Variants in ELP3 observed in about 807,000 individuals in gnomAD.
ELP3 encodes the protein elongator complex protein 3.
In ELP3, 56 loss-of-function variants were observed where a neutral mutation model predicts 74.9. That is an observed-to-expected ratio of 0.75 (90% confidence interval 0.60 to 0.93). The LOEUF (loss-of-function observed/expected upper bound fraction) is 0.93. Ranked by LOEUF, ELP3 falls within the 40% of genes least tolerant of loss-of-function variation. The pLI is 0.00. For synonymous variants in ELP3, 222 were observed against 239.8 expected, an observed-to-expected ratio of 0.93 and a Z score of 0.68; for missense variants, 573 against 686.5, an observed-to-expected ratio of 0.83 and a Z score of 1.85.
chr8:28,173,512 A>AT (rs1321006880), intron 14 of ELP3, among the ~76,000 whole-genome samples: 1 of 149,724 alleles, frequency 6.7e-6, no homozygotes, highest in African/African-American at 2.4e-5. Flanking sequence ...TAAGGTAAAC[A>AT]TTGCTAGTTG....
intron 14 of ELP3, among the ~76,000 whole-genome samples, chr8:28,178,761 T>G (rs1201902829): frequency 6.6e-6 from 1 of 152,260 alleles, no homozygotes; most frequent in Non-Finnish European, 1.5e-5. Context: ...TTTTCACTAC[T>G]ACAGGAAATG....
intron 3 of ELP3, among the ~76,000 whole-genome samples, chr8:28,102,367 G>T (rs948587457): frequency 6.6e-6 from 1 of 152,106 alleles, no homozygotes; most frequent in Non-Finnish European, 1.5e-5. Flanking sequence ...TGCATTTTCC[G>T]TTCCTACTGC....
At chr8:28,170,764 T>G (rs138332508) in intron 14 of ELP3, among the ~76,000 whole-genome samples, 16 of 152,314 alleles carry the variant, frequency 1.1e-4, no homozygotes, top group African/African-American at 3.6e-4. Context: ...TTTTAACCAT[T>G]TTTAAGTGTA....
Position 28,158,603 on chromosome 8 carries a change from A to G in ELP3, c.1227A>G (p.Gln409=), listed in dbSNP as rs944562361. 6.2e-7 allele frequency: 1 copy of G among 1,613,758 alleles called. No individual in the cohort carries two copies. The change falls in exon 12 of 15, where the codon CAA becomes CAG. Residue 409 remains glutamine, a synonymous_variant. Transcript: ENST00000256398. ...TGAGAACCAGAGAAGTTGGAATCCA[A>G]GAAATTCATCACAAAGTACGGCCAT... ...RDVRTREVGI[Q]EIHHKVRPYQ...
At chr8:28,096,163 T>C (rs535999795) in intron 1 of ELP3, among the ~76,000 whole-genome samples, 1 of 152,264 alleles carries the variant, frequency 6.6e-6, no homozygotes, top group South Asian at 2.1e-4. Context: ...TGTCACTGTC[T>C]CCCATCACCC....
At chr8:28,117,907 A>T (rs539902147) in intron 7 of ELP3, among the ~76,000 whole-genome samples, 1 of 152,196 alleles carries the variant, frequency 6.6e-6, no homozygotes, top group Admixed American at 6.5e-5. Flanking sequence ...GTGTTGGCAT[A>T]ATTGTGAAAT....
intron 9 of ELP3, among the ~76,000 whole-genome samples, chr8:28,137,434 G>A (rs935923609): frequency 2.0e-5 from 3 of 152,216 alleles, no homozygotes; most frequent in Non-Finnish European, 4.4e-5. Context: ...AGGCCAGATG[G>A]TGAGGGGTGG....
upstream of ELP3, among the ~76,000 whole-genome samples, chr8:28,091,972 T>C (rs1346254328): frequency 1.3e-5 from 2 of 152,186 alleles, no homozygotes; most frequent in African/African-American, 4.8e-5. Flanking sequence ...AGGAGTCAAA[T>C]ATGCATTTTT....
Position 28,137,848 on chromosome 8 carries a change from C to G in ELP3, c.1057C>G (p.Leu353Val), listed in dbSNP as rs753301280. 1 of 1,613,538 alleles carries G rather than the reference C, an allele frequency of 6.2e-7. No homozygotes were observed. The highest frequency in any genetic ancestry group is 8.5e-7 in the Non-Finnish European group (1 of 1,179,872). Reference protein sequence around the residue: ...SDLVELVARILALVPPWTRVY... With the variant: ...SDLVELVARIVALVPPWTRVY... ...CCTGGTTGAATTGGTGGCTCGGATC[C>G]TAGCCCTCGTGCCTCCATGGACTCG... Residue 353 changes from leucine to valine, a missense_variant, in exon 10 of 15, where the codon CTA becomes GTA. Transcript: ENST00000256398.
intron 7 of ELP3, among the ~76,000 whole-genome samples, chr8:28,115,961 A>AT (rs1812115342): frequency 6.6e-6 from 1 of 152,170 alleles, no homozygotes; most frequent in South Asian, 2.1e-4. Flanking sequence ...ACCTCTTAAG[A>AT]TTTTTTGTGT....
At chr8:28,127,609 T>C (rs1235173205) in intron 7 of ELP3, among the ~76,000 whole-genome samples, 1 of 152,200 alleles carries the variant, frequency 6.6e-6, no homozygotes, top group Non-Finnish European at 1.5e-5. Flanking sequence ...GTTACGTCTC[T>C]CCTGTGGCAT....
At chr8:28,177,289 C>CATTTTCAAACATTCAGGAT (rs971377833) in intron 14 of ELP3, among the ~76,000 whole-genome samples, 5 of 152,042 alleles carry the variant, frequency 3.3e-5, no homozygotes, top group Non-Finnish European at 7.4e-5. Flanking sequence ...TTAATTGGTT[C>CATTTTCAAACATTCAGGAT]ATTTTCAAAC....
intron 14 of ELP3, among the ~76,000 whole-genome samples, chr8:28,172,919 C>T (rs1437401119): frequency 1.3e-5 from 2 of 151,826 alleles, no homozygotes; most frequent in African/African-American, 4.8e-5. Flanking sequence ...CCACTTAATT[C>T]TGTTTTGGTT....
chr8:28,105,916 C>A (rs1811669095), intron 3 of ELP3, among the ~76,000 whole-genome samples: 1 of 152,184 alleles, frequency 6.6e-6, no homozygotes, highest in Non-Finnish European at 1.5e-5. Context: ...GTTATTTACA[C>A]CCAGACCCTG....
In ELP3 at chr8:28,145,992, A is replaced by G. The variant is rs527403417; in HGVS notation, c.1100+8101A>G. Among the ~76,000 whole-genome samples the G allele has an allele frequency of 2.0e-4, 30 of 152,306 alleles. 1 individual carries two copies. In the South Asian group the frequency reaches 4.3e-3, roughly 22 times the overall value. On this transcript the variant is annotated intron_variant, in intron 10 of 14. Transcript: ENST00000256398. ...GGAAGATAATTTGAGTGAGAACACA[A>G]TGTTTCACACTTTTAAAATTTTACT... is the stretch of plus-strand genomic sequence containing the variant.
At chr8:28,139,237 G>A (rs1813122529) in intron 10 of ELP3, among the ~76,000 whole-genome samples, 1 of 152,198 alleles carries the variant, frequency 6.6e-6, no homozygotes, top group Non-Finnish European at 1.5e-5. Context: ...AGCAAGAAAA[G>A]ACCAGTTACT....
intron 5 of ELP3, among the ~76,000 whole-genome samples, chr8:28,108,676 C>T (rs928603589): frequency 5.3e-5 from 8 of 152,004 alleles, no homozygotes; most frequent in Non-Finnish European, 4.4e-5. Flanking sequence ...AGCCTGGTCT[C>T]GAACTGCTGA....
chr8:28,173,438 G>A (rs1243187193), intron 14 of ELP3, among the ~76,000 whole-genome samples: 4 of 151,894 alleles, frequency 2.6e-5, no homozygotes, highest in Admixed American at 6.6e-5. Flanking sequence ...TGTACAGTAA[G>A]TAGTTATGCC....
chr8:28,178,685 G>A (rs1563290796), intron 14 of ELP3, among the ~76,000 whole-genome samples: 1 of 152,164 alleles, frequency 6.6e-6, no homozygotes. Context: ...CAATTGCTGG[G>A]TTGTAGAGAG....
Sources: allele counts gnomAD v4.1 joint callset (sites outside exome capture counted in the v4.1 genomes callset), GRCh38; gene constraint gnomAD v4.1.1; transcripts MANE v1.5; gene names NCBI Gene and HGNC (gene_info 2026-07-23, HGNC 2026-07-21).